The following SGCD variants were observed in gnomAD, a reference collection of about 807,000 sequenced individuals.
SGCD encodes delta-sarcoglycan.
SGCD carries 18 observed loss-of-function variants against 36.6 expected under a neutral mutation model. That is an observed-to-expected ratio of 0.49 (90% CI 0.34 to 0.73). The LOEUF (loss-of-function observed/expected upper bound fraction) is 0.73. Ranked by LOEUF, SGCD falls within the 30% of genes least tolerant of loss-of-function variation. SGCD has a pLI of 0.01. For synonymous variants in SGCD, 133 were observed against 130.6 expected, an observed-to-expected ratio of 1.02 and a Z score of -0.12; for missense variants, 387 against 346.7, an observed-to-expected ratio of 1.12 and a Z score of -0.92.
chr5:156,605,055 G>A (rs1761372125), intron 6 of SGCD, among the ~76,000 whole-genome samples: 1 of 151,394 alleles, frequency 6.6e-6, no homozygotes, highest in Non-Finnish European at 1.5e-5. Flanking sequence ...GTGTGTGTGT[G>A]TTTTATTATT....
chr5:156,361,818 T>A (rs1215679470), intron 3 of SGCD, among the ~76,000 whole-genome samples: 1 of 152,210 alleles, frequency 6.6e-6, no homozygotes, highest in Non-Finnish European at 1.5e-5. Flanking sequence ...TGAGATGGCC[T>A]ATAAAGAGGT....
intron 7 of SGCD, among the ~76,000 whole-genome samples, chr5:156,743,108 CTTTTTT>C (rs56296250): frequency 9.1e-6 from 1 of 110,368 alleles, no homozygotes; most frequent in Non-Finnish European, 1.8e-5. Flanking sequence ...CTTCCTACAT[CTTTTTT>C]TTTTTTTTTT....
At chr5:156,386,653 A>G (rs916615123) in intron 3 of SGCD, among the ~76,000 whole-genome samples, 1 of 152,256 alleles carries the variant, frequency 6.6e-6, no homozygotes, top group Admixed American at 6.5e-5. Context: ...TTTCAGAAGT[A>G]CAAAGCCTCA....
At chr5:156,044,989 T>C (rs1229867503) in intron 1 of SGCD, among the ~76,000 whole-genome samples, 3 of 152,134 alleles carry the variant, frequency 2.0e-5, no homozygotes, top group African/African-American at 7.2e-5. Context: ...GACTGAGAAG[T>C]CCAAGGGCAT....
intron 3 of SGCD, among the ~76,000 whole-genome samples, chr5:156,410,303 C>T (rs1034500640): frequency 6.6e-6 from 1 of 151,860 alleles, no homozygotes; most frequent in Non-Finnish European, 1.5e-5. Flanking sequence ...CCAAATACTG[C>T]ATGTTCTTAC....
At chr5:156,490,893 A>G (rs1481452629) in intron 3 of SGCD, among the ~76,000 whole-genome samples, 11 of 152,136 alleles carry the variant, frequency 7.2e-5, no homozygotes, top group African/African-American at 2.7e-4. Flanking sequence ...AAGTTATCCA[A>G]ACTGGAAAAG....
intron 1 of SGCD, among the ~76,000 whole-genome samples, chr5:155,920,981 T>G (rs889773509): frequency 1.3e-5 from 2 of 151,978 alleles, no homozygotes; most frequent in Non-Finnish European, 2.9e-5. Flanking sequence ...TAGGAGATAA[T>G]TGAAGCAATG....
intron 4 of SGCD, among the ~76,000 whole-genome samples, chr5:156,522,274 A>G (rs1271992860): frequency 1.3e-5 from 2 of 152,316 alleles, no homozygotes; most frequent in South Asian, 2.1e-4. Context: ...GCAAATCAAC[A>G]TGGCACATGT....
chr5:156,554,568 C>CA (rs35708365), intron 4 of SGCD, among the ~76,000 whole-genome samples: 6 of 146,654 alleles, frequency 4.1e-5, no homozygotes, highest in East Asian at 2.0e-4. Flanking sequence ...TATGTTTAAC[C>CA]AAAAAAAAGT....
the SGCD span, among the ~76,000 whole-genome samples, chr5:155,833,072 G>GAAAA: frequency 1.5e-5 from 2 of 135,268 alleles, no homozygotes; most frequent in Admixed American, 1.4e-4. Context: ...AAAAAAAAAA[G>GAAAA]AAAAAAAATT....
chr5:155,985,759 C>A (rs1240726565), intron 1 of SGCD, among the ~76,000 whole-genome samples: 1 of 152,158 alleles, frequency 6.6e-6, no homozygotes, highest in Non-Finnish European at 1.5e-5. Flanking sequence ...AAAATAATGG[C>A]ACTCTCACTC....
At chr5:156,239,033 G>A (rs2127655086) in intron 3 of SGCD, among the ~76,000 whole-genome samples, 1 of 152,110 alleles carries the variant, frequency 6.6e-6, no homozygotes, top group Middle Eastern at 3.4e-3. Context: ...TTCTTTGGGG[G>A]CCTCATTCAT....
chr5:156,576,846 T>A (rs1759980461), intron 4 of SGCD, among the ~76,000 whole-genome samples: 1 of 152,168 alleles, frequency 6.6e-6, no homozygotes, highest in African/African-American at 2.4e-5. Context: ...ATTGCAACAA[T>A]TTTCTCCCAT....
intron 1 of SGCD, among the ~76,000 whole-genome samples, chr5:156,071,190 T>C (rs1760549052): frequency 1.3e-5 from 2 of 152,216 alleles, no homozygotes; most frequent in Non-Finnish European, 2.9e-5. Context: ...ATGTGTTTGC[T>C]CTTGCTTTTC....
chr5:156,446,996 A>G (rs1393874021), intron 3 of SGCD, among the ~76,000 whole-genome samples: 2 of 152,166 alleles, frequency 1.3e-5, no homozygotes, highest in African/African-American at 4.8e-5. Context: ...AAGCATCAGC[A>G]GAGACCATTA....
In SGCD at chr5:156,604,412, C is replaced by A. The variant is rs545673722; in HGVS notation, c.502+9361C>A. Among the ~76,000 whole-genome samples, 43 of 151,994 alleles carry A rather than the reference C, an allele frequency of 2.8e-4. No individual in the cohort carries two copies. In the Middle Eastern group the frequency reaches 0.01, roughly 36 times the overall value. On this transcript the variant is annotated intron_variant, in intron 6 of 8. Transcript: ENST00000337851. Reference sequence around the variant, plus strand: ...CAAAGTTATTTATGATAGGTGAGAACTTACTCCTCCTCTTTTTTACCTCTG... The same window carrying A: ...CAAAGTTATTTATGATAGGTGAGAAATTACTCCTCCTCTTTTTTACCTCTG...
chr5:156,575,944 C>CT (rs1468959299), intron 4 of SGCD, among the ~76,000 whole-genome samples: 1 of 152,000 alleles, frequency 6.6e-6, no homozygotes, highest in Admixed American at 6.6e-5. Context: ...TTTTTTAATA[C>CT]TTTAAGTTCT....
intron 3 of SGCD, among the ~76,000 whole-genome samples, chr5:156,355,048 T>C (rs2036556): frequency 0.41 from 62,456 of 152,128 alleles, 13,601 homozygotes; most frequent in East Asian, 0.79. Flanking sequence ...ACACTTGTCA[T>C]GTCACAATGT....
chr5:156,411,719 T>A (rs1237906930), intron 3 of SGCD, among the ~76,000 whole-genome samples: 1 of 152,212 alleles, frequency 6.6e-6, no homozygotes, highest in Non-Finnish European at 1.5e-5. Context: ...GTATTATTCT[T>A]CTGACCCAGA....
Sources: allele counts gnomAD v4.1 joint callset (sites outside exome capture counted in the v4.1 genomes callset), GRCh38; gene constraint gnomAD v4.1.1; transcripts MANE v1.5; gene names NCBI Gene and HGNC (gene_info 2026-07-23, HGNC 2026-07-21).